LDB2: variants seen among roughly 807,000 people sequenced by gnomAD.
LDB2 encodes LIM domain binding 2.
A neutral mutation model predicts 44.3 loss-of-function variants in LDB2; 12 were observed. The observed-to-expected ratio is 0.27, with a 90% CI of 0.17 to 0.44. LDB2 has a LOEUF of 0.44. LDB2 is among the 20% of genes least tolerant of loss of function. The pLI, the probability that LDB2 is intolerant of heterozygous loss-of-function variation, is 1.00. For missense variants in LDB2, 344 were observed against 473.5 expected, an observed-to-expected ratio of 0.73 and a Z score of 2.54; for synonymous variants, 164 against 174.8, an observed-to-expected ratio of 0.94 and a Z score of 0.49.
At chr4:16,576,458 T>C (rs548527224) in intron 5 of LDB2, among the ~76,000 whole-genome samples, 1 of 152,154 alleles carries the variant, frequency 6.6e-6, no homozygotes, top group South Asian at 2.1e-4. Flanking sequence ...TATGAGCAAG[T>C]ATGCCAATAA....
intron 1 of LDB2, among the ~76,000 whole-genome samples, chr4:16,847,673 A>C (rs753844520): frequency 6.6e-6 from 1 of 152,232 alleles, no homozygotes; most frequent in Non-Finnish European, 1.5e-5. Context: ...GCTGGACTGC[A>C]GTGGCGGATC....
chr4:16,880,161 G>A (rs140477764), intron 1 of LDB2, among the ~76,000 whole-genome samples: 2 of 152,236 alleles, frequency 1.3e-5, no homozygotes, highest in East Asian at 3.9e-4. Context: ...TTTATGCACT[G>A]TATCTTAATG....
At chr4:16,783,407 C>G (rs1214908671) in intron 1 of LDB2, among the ~76,000 whole-genome samples, 1 of 152,252 alleles carries the variant, frequency 6.6e-6, no homozygotes, top group Non-Finnish European at 1.5e-5. Flanking sequence ...GAGAGCAAAG[C>G]CAGACCTTGC....
chr4:16,620,810 T>C (rs1728672998), intron 2 of LDB2, among the ~76,000 whole-genome samples: 2 of 152,228 alleles, frequency 1.3e-5, no homozygotes, highest in Admixed American at 1.3e-4. Flanking sequence ...TGGGTAAGTC[T>C]ACTTGTTCCT....
intron 2 of LDB2, among the ~76,000 whole-genome samples, chr4:16,598,622 C>T (rs1310799167): frequency 1.3e-5 from 2 of 152,162 alleles, no homozygotes; most frequent in East Asian, 3.9e-4. Context: ...TAGATAACTG[C>T]AGCCCCTTTC....
At chr4:16,808,189 C>G (rs1561297525) in intron 1 of LDB2, among the ~76,000 whole-genome samples, 1 of 152,158 alleles carries the variant, frequency 6.6e-6, no homozygotes, top group Non-Finnish European at 1.5e-5. Context: ...CTCTGGAAAA[C>G]TCTGGAATCT....
At chr4:16,641,922 T>A (rs1735275031) in intron 2 of LDB2, among the ~76,000 whole-genome samples, 1 of 151,868 alleles carries the variant, frequency 6.6e-6, no homozygotes, top group African/African-American at 2.4e-5. Flanking sequence ...AAGAAAATAG[T>A]AGCAAGAAAC....
intron 1 of LDB2, among the ~76,000 whole-genome samples, chr4:16,815,905 G>T (rs1166823074): frequency 1.3e-5 from 2 of 152,120 alleles, no homozygotes; most frequent in African/African-American, 4.8e-5. Context: ...AATATATTTG[G>T]CTTAAAATCA....
intron 2 of LDB2, among the ~76,000 whole-genome samples, chr4:16,626,528 G>A (rs1730325736): frequency 6.6e-6 from 1 of 152,166 alleles, no homozygotes; most frequent in East Asian, 1.9e-4. Context: ...CTTCACTTCA[G>A]TGCTTGAAAT....
intron 1 of LDB2, among the ~76,000 whole-genome samples, chr4:16,882,782 C>A (rs1042541307): frequency 2.0e-5 from 3 of 152,090 alleles, no homozygotes; most frequent in East Asian, 3.9e-4. Context: ...AATCACCATC[C>A]CAGCAAGCAG....
chr4:16,721,235 T>C (rs989765632), intron 2 of LDB2, among the ~76,000 whole-genome samples: 2 of 152,200 alleles, frequency 1.3e-5, no homozygotes, highest in Non-Finnish European at 2.9e-5. Flanking sequence ...TATAAAGATC[T>C]ATAAACAGGC....
chr4:16,766,200 C>A (rs1319254629), intron 1 of LDB2, among the ~76,000 whole-genome samples: 1 of 152,004 alleles, frequency 6.6e-6, no homozygotes, highest in African/African-American at 2.4e-5. Context: ...CTCATGAAAA[C>A]CATATGGATC....
At chr4:16,583,824 G>A (rs1297073452) in intron 5 of LDB2, among the ~76,000 whole-genome samples, 1 of 152,106 alleles carries the variant, frequency 6.6e-6, no homozygotes, top group African/African-American at 2.4e-5. Flanking sequence ...CATTCCCTGG[G>A]CTATCTCTGG....
At chr4:16,867,075 G>C (rs573388418) in intron 1 of LDB2, among the ~76,000 whole-genome samples, 1 of 152,190 alleles carries the variant, frequency 6.6e-6, no homozygotes, top group Non-Finnish European at 1.5e-5. Context: ...GCGTCTCTCA[G>C]AGGCTTAGCC....
intron 1 of LDB2, among the ~76,000 whole-genome samples, chr4:16,880,821 G>A (rs995767223): frequency 2.7e-5 from 4 of 150,658 alleles, no homozygotes; most frequent in African/African-American, 9.8e-5. Flanking sequence ...GGAGAATAGT[G>A]TGAACCCGGG....
intron 5 of LDB2, among the ~76,000 whole-genome samples, chr4:16,579,709 T>C (rs1300475037): frequency 6.6e-6 from 1 of 152,208 alleles, no homozygotes; most frequent in African/African-American, 2.4e-5. Flanking sequence ...CATGTTTTTT[T>C]CTAGATGCTG....
chr4:16,753,526 A>G (rs1765882980), intron 2 of LDB2, among the ~76,000 whole-genome samples: 1 of 152,228 alleles, frequency 6.6e-6, no homozygotes, highest in African/African-American at 2.4e-5. Flanking sequence ...ATGGCTCCAC[A>G]GAGGTGTGGA....
intron 2 of LDB2, among the ~76,000 whole-genome samples, chr4:16,745,697 AG>A (rs1235863169): frequency 1.3e-5 from 2 of 152,202 alleles, no homozygotes; most frequent in Non-Finnish European, 2.9e-5. Flanking sequence ...AAGGGATTTC[AG>A]CAATCCACAC....
chr4:16,849,690 C>A (rs1001731722), intron 1 of LDB2, among the ~76,000 whole-genome samples: 1 of 152,202 alleles, frequency 6.6e-6, no homozygotes, highest in African/African-American at 2.4e-5. Flanking sequence ...ATAACACATT[C>A]TTTTAAGTGT....
Sources: gnomAD v4.1 joint callset for allele counts (sites outside exome capture counted in the v4.1 genomes callset) on GRCh38, gnomAD v4.1.1 for gene constraint, MANE v1.5 for transcripts, NCBI Gene and HGNC (gene_info 2026-07-23, HGNC 2026-07-21) for gene names.